Variants in TIAM2 observed in about 807,000 individuals in gnomAD.
The protein encoded by TIAM2 is TIAM Rac1 associated GEF 2.
In TIAM2, 80 loss-of-function variants were observed where a neutral mutation model predicts 152.9. The observed-to-expected ratio is 0.52, with a 90% CI of 0.44 to 0.63. The LOEUF is 0.63. TIAM2 is among the 30% of genes least tolerant of loss of function. TIAM2 has a pLI of 0.00. For synonymous variants in TIAM2, 804 were observed against 838.0 expected, an observed-to-expected ratio of 0.96 and a Z score of 0.70; for missense variants, 1,965 against 2,120.1, an observed-to-expected ratio of 0.93 and a Z score of 1.44.
At position 155,182,272 on chromosome 6, in the gene TIAM2, G is replaced by C; in HGVS notation, c.2754G>C (p.Arg918=). The part of the protein sequence containing the change: ...AQVDERQHLS[R]IFISDVLPDG... ...TGGATGAGCGTCAGCATCTCAGCCG[G>C]ATATTTATAAGCGACGTTCTTCCCG... Residue 918 remains arginine (R), a synonymous_variant, in exon 13 of 27, where the codon CGG becomes CGC. Coordinates refer to ENST00000682666, the MANE Select transcript of TIAM2 (RefSeq NM_012454.4). 6.2e-7 allele frequency: 1 copy of C among 1,614,152 alleles called. No individual in the cohort carries two copies.
Position 155,137,358 on chromosome 6 carries a change from AT to A in TIAM2, c.1377del (p.Tyr459Ter). The A allele has an allele frequency of 6.2e-7, 1 of 1,614,252 alleles. No individual in the cohort carries two copies. Among genetic ancestry groups the A allele is most frequent in the Non-Finnish European group, 8.5e-7 (1 of 1,180,038 alleles). ...AGCGATCCCCTCCGGCAGAACATTT[AT>A]GAGAATTTCATGCGAGAGTTGGAAA... is the stretch of plus-strand genomic sequence containing the variant. The part of the protein sequence containing the change: ...IGSDPLRQNI[Y>X]ENFMRELEMS... On this transcript the variant is annotated frameshift_variant, in exon 5 of 27. Transcript: ENST00000682666. LOFTEE classifies it high-confidence loss of function.
chr6:155,063,610 C>T (rs550795808), intron 1 of TIAM2, among the ~76,000 whole-genome samples: 25 of 151,976 alleles, frequency 1.6e-4, no homozygotes, highest in Admixed American at 9.8e-4. Context: ...GGTGAAACCC[C>T]GTCTCTACTA....
At chr6:155,157,012 A>G (rs3792960) in intron 7 of TIAM2, among the ~76,000 whole-genome samples, 83,017 of 152,090 alleles carry the variant, frequency 0.55, 22,801 homozygotes, top group South Asian at 0.59. Flanking sequence ...GCTGTCATCC[A>G]TGGCTTTGTC....
intron 1 of TIAM2, among the ~76,000 whole-genome samples, chr6:155,073,846 C>T (rs1371300827): frequency 6.6e-6 from 1 of 152,142 alleles, no homozygotes; most frequent in African/African-American, 2.4e-5. Flanking sequence ...GAGTGCTTCT[C>T]AACAAAATAC....
In TIAM2 at chr6:155,148,161, T is replaced by C; in HGVS notation, c.1855T>C (p.Cys619Arg). The C allele has an allele frequency of 6.2e-7, 1 of 1,613,780 alleles. No homozygotes were observed. The highest frequency in any genetic ancestry group is 8.5e-7 in the Non-Finnish European group (1 of 1,180,000). ...CTGGGTCACTGCTGTACACTCTGCT[T>C]GTGCATCCCTTTTTGCAAAGAAGCA... is the stretch of plus-strand genomic sequence containing the variant. The part of the protein sequence containing the change: ...ENWVTAVHSA[C>R]ASLFAKKHGK... The change falls in exon 7 of 27, where the codon TGT (cysteine) becomes CGT (arginine). Residue 619 changes from cysteine (C) to arginine (R), a missense_variant. Cys to Arg is a radical substitution (Grantham distance 180). Around this residue, in one of 3 missense-constraint regions of TIAM2, gnomAD observed 1,025 missense variants for 1,119.4 expected, o/e 0.92. Coordinates refer to ENST00000682666, the MANE Select transcript of TIAM2 (RefSeq NM_012454.4).
Position 155,239,359 on chromosome 6 carries a change from C to T in TIAM2, c.3169-1171C>T, listed in dbSNP as rs535979961. ...TGGGCCGAGTACCTCCTGTGCTGGC[C>T]AGTGAGCTGGCTGCTGGCGGAGATG... On this transcript the variant is annotated intron_variant, in intron 15 of 26. Coordinates refer to ENST00000682666, the MANE Select transcript of TIAM2 (RefSeq NM_012454.4). 1.2e-4 allele frequency among the ~76,000 whole-genome samples: 18 copies of T among 152,268 alleles called. No homozygotes were observed. In the East Asian group the frequency reaches 3.5e-3, roughly 29 times the overall value.
At chr6:155,237,035 A>G (rs1335099639) in intron 15 of TIAM2, among the ~76,000 whole-genome samples, 1 of 152,206 alleles carries the variant, frequency 6.6e-6, no homozygotes, top group African/African-American at 2.4e-5. Context: ...ACAGTCTAAA[A>G]TCTCATCCCA....
intron 15 of TIAM2, chr6:155,216,930 G>A (rs2115229574): frequency 8.3e-7 from 1 of 1,201,814 alleles, no homozygotes; most frequent in East Asian, 6.3e-5. Flanking sequence ...ACGTCCTTGT[G>A]AATGTGACTT....
At chr6:155,071,021 A>C (rs926339720) in intron 1 of TIAM2, among the ~76,000 whole-genome samples, 1 of 152,134 alleles carries the variant, frequency 6.6e-6, no homozygotes, top group Non-Finnish European at 1.5e-5. Context: ...CTAATGAAAA[A>C]AATTCGTGGG....
chr6:155,200,983 C>T (rs189884139), intron 14 of TIAM2, among the ~76,000 whole-genome samples: 102 of 152,196 alleles, frequency 6.7e-4, no homozygotes, highest in African/African-American at 2.1e-3. Flanking sequence ...CTCCAACCCC[C>T]GCTCCTGGCA....
intron 14 of TIAM2, among the ~76,000 whole-genome samples, chr6:155,202,344 A>G (rs150637779): frequency 6.6e-6 from 1 of 152,360 alleles, no homozygotes; most frequent in East Asian, 1.9e-4. Flanking sequence ...AAGTAAAAGT[A>G]TGAGTAAAAT....
chr6:155,003,614 G>A (rs928300080), intron 1 of TIAM2, among the ~76,000 whole-genome samples: 2 of 152,190 alleles, frequency 1.3e-5, no homozygotes, highest in Non-Finnish European at 2.9e-5. Flanking sequence ...CGGGGCCAAA[G>A]GGGACACTCT....
intron 1 of TIAM2, among the ~76,000 whole-genome samples, chr6:154,996,832 C>T (rs1013591042): frequency 6.6e-6 from 1 of 152,174 alleles, no homozygotes; most frequent in Non-Finnish European, 1.5e-5. Context: ...CCGGATTTTA[C>T]CTGCTCACTT....
rs373761689 is a variant in TIAM2, at chr6:155,240,634, C to G, written c.3273C>G (p.Ala1091=). 6.2e-7 allele frequency: 1 copy of G among 1,614,080 alleles called. No homozygotes were observed. The highest frequency in any genetic ancestry group is 8.5e-7 in the Non-Finnish European group (1 of 1,180,038). The part of the protein sequence containing the change: ...ENQDPPPRSL[A]RHLSDADRLR... The stretch of plus-strand genomic sequence containing the variant: ...AGGATCCTCCTCCGAGGTCTCTGGC[C>G]CGCCACCTGTCTGATGCAGACCGCC... The change falls in exon 16 of 27, where the codon GCC becomes GCG. Residue 1091 remains alanine (A), a synonymous_variant. Transcript: ENST00000682666.
chr6:155,103,664 C>T (rs1036189267), intron 2 of TIAM2, among the ~76,000 whole-genome samples: 27 of 125,816 alleles, frequency 2.1e-4, no homozygotes, highest in African/African-American at 5.0e-4. Flanking sequence ...GCGGAGGTTG[C>T]GGTGAGCCGA....
intron 1 of TIAM2, among the ~76,000 whole-genome samples, chr6:155,045,641 C>T (rs1471522484): frequency 6.6e-6 from 1 of 152,016 alleles, no homozygotes; most frequent in Non-Finnish European, 1.5e-5. Context: ...TTGATCTTCT[C>T]TGTAGTTGTG....
intron 1 of TIAM2, among the ~76,000 whole-genome samples, chr6:155,047,697 GA>G (rs71023610): frequency 0.11 from 914 of 8,342 alleles, 80 homozygotes; most frequent in African/African-American, 0.24. Flanking sequence ...AGGAGAGAGA[GA>G]GAGAGAGCGA....
In TIAM2 at chr6:155,218,833, C is replaced by T. The variant is rs1781944861; in HGVS notation, c.3168+7526C>T. On this transcript the variant is annotated intron_variant, in intron 15 of 26. Transcript: ENST00000682666. The surrounding 1 kb of genome is among the most constrained non-coding windows in gnomAD (Gnocchi z 4.5). ...CCACCCGTGTTCTTGACCATCTCAG[C>T]CATCCACCCGTGTTCTCGACCATCT... Among the ~76,000 whole-genome samples the T allele has an allele frequency of 6.6e-6, 1 of 151,526 alleles. No homozygotes were observed. The highest frequency in any genetic ancestry group is 2.4e-5 in the African/African-American group (1 of 41,204).
At chr6:155,054,011 A>G (rs989821805) in intron 1 of TIAM2, among the ~76,000 whole-genome samples, 1 of 152,060 alleles carries the variant, frequency 6.6e-6, no homozygotes, top group Non-Finnish European at 1.5e-5. Flanking sequence ...TGTCTCTACT[A>G]AAAATACAAA....
Sources: gnomAD v4.1 joint callset for allele counts (sites outside exome capture counted in the v4.1 genomes callset) on GRCh38, gnomAD v4.1.1 for gene constraint, gnomAD v4.1.1 regional missense constraint, Gnocchi (gnomAD v3.1) non-coding constraint, MANE v1.5 for transcripts, NCBI Gene and HGNC (gene_info 2026-07-23, HGNC 2026-07-21) for gene names.